Variants in ZNF764 observed in about 807,000 individuals in gnomAD.
ZNF764 encodes zinc finger protein 764.
Under a neutral mutation model 13.9 loss-of-function variants are expected in ZNF764, and 10 were observed. The ratio of observed to expected loss-of-function variants is 0.72; its 90% CI spans 0.44 to 1.22. ZNF764 has a LOEUF of 1.22. Ranked by LOEUF, ZNF764 falls within the 50% of genes most tolerant of loss-of-function variation. The pLI is 0.00. For synonymous variants in ZNF764, 313 were observed against 255.1 expected, an observed-to-expected ratio of 1.23 and a Z score of -2.16; for missense variants, 647 against 589.7, an observed-to-expected ratio of 1.10 and a Z score of -1.01.
At chr16:30,556,874 C>T (rs988764020) in intron 2 of ZNF764, among the ~76,000 whole-genome samples, 1 of 152,212 alleles carries the variant, frequency 6.6e-6, no homozygotes, top group South Asian at 2.1e-4. Context: ...CGGTGGCTCA[C>T]GCCTGTAATC....
chr16:30,555,923 G>C lies in ZNF764; in HGVS notation c.495C>G (p.Pro165=). The change falls in exon 3 of 3, where the codon CCC becomes CCG. Residue 165 remains proline, a synonymous_variant. Coordinates refer to ENST00000395091, the MANE Select transcript of ZNF764 (RefSeq NM_001172679.2). ...GACGCTGGTCAGCTCGGGGGACAGG[G>C]GGGTGGGCACAGAGGGAGGGGCGTC... ...HRGRPSLCAH[P]PVPRADQRHG... 1 of 1,611,852 alleles carries C rather than the reference G, an allele frequency of 6.2e-7. No homozygotes were observed. Among genetic ancestry groups the C allele is most frequent in the Non-Finnish European group, 8.5e-7 (1 of 1,179,334 alleles).
In ZNF764 at chr16:30,555,995, G is replaced by A. The variant is rs1300345070; in HGVS notation, c.423C>T (p.Ala141=). 12 of 1,612,430 alleles carry A rather than the reference G, an allele frequency of 7.4e-6. No individual in the cohort carries two copies. Among genetic ancestry groups the A allele is most frequent in the Non-Finnish European group, 1.0e-5 (12 of 1,179,992 alleles). ...PGLKSPQAPS[A]GPPYGWEQLS... ...GCTGCTCCCAACCATAAGGGGGCCC[G>A]GCCGAGGGGGCTTGGGGAGACTTCA... is the stretch of plus-strand genomic sequence containing the variant. Residue 141 remains alanine, a synonymous_variant, in exon 3 of 3, where the codon GCC becomes GCT. Coordinates refer to ENST00000395091, the MANE Select transcript of ZNF764 (RefSeq NM_001172679.2).
At position 30,555,415 on chromosome 16, in the gene ZNF764, T is replaced by TGCGCCTGTGGGC; in HGVS notation, c.991_1002dup (p.Ala331_Arg334dup). Reference sequence around the variant, plus strand: ...GGGTAGGGCTTCTCGCCGCTGTGGGTGCGCCTGTGGGCTGCCATCTCCGAG... The same window carrying TGCGCCTGTGGGC: ...GGGTAGGGCTTCTCGCCGCTGTGGGTGCGCCTGTGGGCGCGCCTGTGGGCTGCCATCTCCGAG... On this transcript the variant is annotated inframe_insertion, in exon 3 of 3. Transcript: ENST00000395091. 3 of 1,563,332 alleles carry TGCGCCTGTGGGC rather than the reference T, an allele frequency of 1.9e-6. No homozygotes were observed. Among genetic ancestry groups the TGCGCCTGTGGGC allele is most frequent in the Non-Finnish European group, 2.6e-6 (3 of 1,150,362 alleles).
rs201344016 is a variant in ZNF764 at position 30,555,983 on chromosome 16, A to G, written c.435T>C (p.Tyr145=). ...SPQAPSAGPP[Y]GWEQLSKAPH... is the part of the protein sequence containing the mutation. Reference sequence around the variant, plus strand: ...GTGCCTTGGACAGCTGCTCCCAACCATAAGGGGGCCCGGCCGAGGGGGCTT... The same window carrying G: ...GTGCCTTGGACAGCTGCTCCCAACCGTAAGGGGGCCCGGCCGAGGGGGCTT... The change falls in exon 3 of 3, where the codon TAT becomes TAC. Residue 145 remains tyrosine, a synonymous_variant. Coordinates refer to ENST00000395091, the MANE Select transcript of ZNF764 (RefSeq NM_001172679.2). The G allele has an allele frequency of 6.5e-5, 104 of 1,612,150 alleles. No homozygotes were observed. The East Asian group carries it at 2.2e-3, about 34-fold the overall frequency.
At position 30,554,375 on chromosome 16, in the gene ZNF764, AAGG is replaced by A. The variant is rs1161267434; in HGVS notation, c.*816_*818del. ...GTCCCAGCTACTTGGGAGGCTGAGG[AAGG>A]AGAATTGCTTGAACTCTGGAGGCAG... On this transcript the variant is annotated 3_prime_UTR_variant, in exon 3 of 3. Transcript: ENST00000395091. The A allele has an allele frequency of 6.6e-6, 1 of 152,222 alleles. No homozygotes were observed. Among genetic ancestry groups the A allele is most frequent in the Non-Finnish European group, 1.5e-5 (1 of 68,078 alleles). 9.4% of individuals were successfully genotyped at this position (152,222 alleles called of 1,614,324 possible). A position where few individuals can be genotyped will look rare whatever the true frequency, so the allele number is the denominator to read the frequency against.
In ZNF764 at chr16:30,556,074, T is replaced by G; in HGVS notation, c.344A>C (p.Glu115Ala). 1.2e-6 allele frequency: 2 copies of G among 1,612,186 alleles called. No homozygotes were observed. Among genetic ancestry groups the G allele is most frequent in the African/African-American group, 2.7e-5 (2 of 74,980 alleles). ...SRNKKKERQREGTGALEKPDP... is the reference protein window; with the variant it reads ...SRNKKKERQRAGTGALEKPDP... Reference sequence around the variant, plus strand: ...GGGCTTCTCCAGGGCTCCCGTCCCTTCCCTTTGTCTTTCCTTTTTCTTGTT... The same window carrying G: ...GGGCTTCTCCAGGGCTCCCGTCCCTGCCCTTTGTCTTTCCTTTTTCTTGTT... The change falls in exon 3 of 3, where the codon GAA becomes GCA. Residue 115 changes from glutamate (E) to alanine (A), a missense_variant. Transcript: ENST00000395091.
rs572716992 is a variant in ZNF764 at position 30,557,743 on chromosome 16, T to G, written c.300A>C (p.Gln100His). The change falls in exon 2 of 3, where the codon CAA (glutamine) becomes CAC (histidine). Residue 100 changes from glutamine to histidine, a missense_variant. Gln to His is a conservative substitution (Grantham distance 24). Transcript: ENST00000395091. ...CACCCGATACTCCACCTGGGTCCGT[T>G]TGTGTCTGACATTTCGCCACCTCCG... Reference protein sequence around the residue: ...QDPEVAKCQTQTDPDSRNKKK... With the variant: ...QDPEVAKCQTHTDPDSRNKKK... 1 of 1,613,622 alleles carries G rather than the reference T, an allele frequency of 6.2e-7. No individual in the cohort carries two copies. Among genetic ancestry groups the G allele is most frequent in the East Asian group, 2.2e-5 (1 of 44,844 alleles).
At position 30,558,347 on chromosome 16, in the gene ZNF764, C is replaced by T; in HGVS notation, c.-165G>A. On this transcript the variant is annotated 5_prime_UTR_variant, in exon 1 of 3. Coordinates refer to ENST00000395091, the MANE Select transcript of ZNF764 (RefSeq NM_001172679.2). ...TAGAGGGCGTGGAAACTAACGGTGC[C>T]GATGGCAGCGGGTGTATAATCAGAA... 1 of 736,026 alleles carries T rather than the reference C, an allele frequency of 1.4e-6. No individual in the cohort carries two copies. Among genetic ancestry groups the T allele is most frequent in the East Asian group, 2.8e-5 (1 of 36,290 alleles). 45.6% of individuals were successfully genotyped at this position (736,026 alleles called of 1,614,324 possible).
rs1442349698 is a variant in ZNF764, at chr16:30,558,202, G to T, written c.-20C>A. 12 of 1,554,620 alleles carry T rather than the reference G, an allele frequency of 7.7e-6. No homozygotes were observed. In the East Asian group the frequency reaches 1.1e-4, roughly 15 times the overall value. ...CGCCATGGTAACTGTCAACCCCGAC[G>T]ACGGATCGGCTGCCTCCCCTGGCCT... On this transcript the variant is annotated 5_prime_UTR_variant, in exon 1 of 3. Transcript: ENST00000395091.
At chr16:30,556,828 C>G (rs1388732457) in intron 2 of ZNF764, among the ~76,000 whole-genome samples, 1 of 152,200 alleles carries the variant, frequency 6.6e-6, no homozygotes, top group East Asian at 1.9e-4. Context: ...TAGTGAAACC[C>G]TGTCTCTACT....
chr16:30,557,145 A>G (rs2051563707), intron 2 of ZNF764, among the ~76,000 whole-genome samples: 1 of 151,740 alleles, frequency 6.6e-6, no homozygotes, highest in African/African-American at 2.4e-5. Flanking sequence ...GTCTCAAAAA[A>G]AAAAAAAAAA....
intron 2 of ZNF764, 35 bp downstream of exon 2, chr16:30,557,698 G>C (rs767280626): frequency 1.2e-6 from 2 of 1,611,226 alleles, no homozygotes; most frequent in South Asian, 1.1e-5. Flanking sequence ...CAGGAACAGA[G>C]AAGTCCCCAT....
rs905670283 is a variant in ZNF764 at position 30,555,569 on chromosome 16, C to A, written c.849G>T (p.Glu283Asp). The A allele has an allele frequency of 2.6e-6, 4 of 1,534,612 alleles. No homozygotes were observed. The highest frequency in any genetic ancestry group is 3.5e-6 in the Non-Finnish European group (4 of 1,146,082). ...CACAGTCCGGGCAGGGGAAGGGGGT[C>A]TCGCCGCTGTGCACGCGCCGGTGCT... Reference protein sequence around the residue: ...LYQHRRVHSGETPFPCPDCGR... With the variant: ...LYQHRRVHSGDTPFPCPDCGR... Residue 283 changes from glutamate (E) to aspartate (D), a missense_variant, in exon 3 of 3, where the codon GAG (glutamate) becomes GAT (aspartate). By Grantham distance (45) the Glu-to-Asp change is conservative (BLOSUM62 2). Transcript: ENST00000395091.
Position 30,558,013 on chromosome 16 carries a change from T to A in ZNF764, c.170A>T (p.Glu57Val), listed in dbSNP as rs574911705. The change falls in exon 1 of 3, where the codon GAG becomes GTG. Residue 57 changes from glutamate (E) to valine (V), a missense_variant. Glu to Val is a moderately radical substitution (Grantham distance 121). Transcript: ENST00000395091. ...QRALYRDVMRETYGHLSALGI... is the reference protein window; with the variant it reads ...QRALYRDVMRVTYGHLSALGI... Reference sequence around the variant, plus strand: ...GAGAGCGCTCAGGTGGCCGTAGGTCTCCCGCATCACGTCCCGGTACAGGGC... The same window carrying A: ...GAGAGCGCTCAGGTGGCCGTAGGTCACCCGCATCACGTCCCGGTACAGGGC... The A allele has an allele frequency of 9.3e-6, 15 of 1,608,144 alleles. No homozygotes were observed. The East Asian group carries it at 2.7e-4, about 29-fold the overall frequency.
intron 2 of ZNF764, among the ~76,000 whole-genome samples, chr16:30,556,618 C>A (rs774878918): frequency 6.6e-6 from 1 of 151,818 alleles, no homozygotes; most frequent in Non-Finnish European, 1.5e-5. Flanking sequence ...AATCCCAGCG[C>A]TTTGGGAGGT....
rs762447550 is a variant in ZNF764, at chr16:30,555,227, C to A, written c.1191G>T (p.Gln397His). The change falls in exon 3 of 3, where the codon CAG becomes CAT. Residue 397 changes from glutamine (Q) to histidine (H), a missense_variant. Coordinates refer to ENST00000395091, the MANE Select transcript of ZNF764 (RefSeq NM_001172679.2). ...ACTCCTGGAATATCTCCGGGTACAG[C>A]TGGAAGCCCACGGGCGGGTCCAGGT... ...HGDLDPPVGF[Q>H]LYPEIFQECG The A allele has an allele frequency of 6.2e-7, 1 of 1,611,464 alleles. No homozygotes were observed. Among genetic ancestry groups the A allele is most frequent in the South Asian group, 1.1e-5 (1 of 90,828 alleles).
chr16:30,557,582 TG>T, intron 2 of ZNF764, 150 bp downstream of exon 2: 1 of 1,185,074 alleles, frequency 8.4e-7, no homozygotes, highest in African/African-American at 1.5e-5. Flanking sequence ...AGGCTGCATC[TG>T]GGAGCCACGC....
In ZNF764 at chr16:30,555,678, G is replaced by T; in HGVS notation, c.740C>A (p.Ser247Ter). 6.4e-7 allele frequency: 1 copy of T among 1,558,688 alleles called. No homozygotes were observed. The highest frequency in any genetic ancestry group is 8.7e-7 in the Non-Finnish European group (1 of 1,155,716). Residue 247 changes from serine to a stop codon, truncating the protein, a stop_gained, in exon 3 of 3, where the codon TCG (serine) becomes TAG (stop). Coordinates refer to ENST00000395091, the MANE Select transcript of ZNF764 (RefSeq NM_001172679.2). LOFTEE classifies it low-confidence loss of function (END_TRUNC). ...CTCGCCGGTGTGGACGCGCAGGTGC[G>T]AAGTCAGCGCCGAGCGCTGCGTGAA... ...RAFTQRSALT[S>*]HLRVHTGEKP...
chr16:30,558,036 G>T lies in ZNF764; in HGVS notation c.147C>A (p.Ala49=). ...EWGCLRPAQR[A]LYRDVMRETY... ...TCTCCCGCATCACGTCCCGGTACAG[G>T]GCCCTCTGCGCTGGCCGCAAGCAGC... The change falls in exon 1 of 3, where the codon GCC becomes GCA. Residue 49 remains alanine, a synonymous_variant. Coordinates refer to ENST00000395091, the MANE Select transcript of ZNF764 (RefSeq NM_001172679.2). 6.2e-7 allele frequency: 1 copy of T among 1,611,784 alleles called. No homozygotes were observed. Among genetic ancestry groups the T allele is most frequent in the Non-Finnish European group, 8.5e-7 (1 of 1,179,290 alleles).
Sources: gnomAD v4.1 joint callset for allele counts (sites outside exome capture counted in the v4.1 genomes callset) on GRCh38, gnomAD v4.1.1 for gene constraint, MANE v1.5 for transcripts, NCBI Gene and HGNC (gene_info 2026-07-23, HGNC 2026-07-21) for gene names.